NLGN4X: variants seen among roughly 807,000 people sequenced by gnomAD.
The protein encoded by NLGN4X is neuroligin 4 X-linked, also known as neuroligin-4, X-linked.
NLGN4X carries 3 observed loss-of-function variants against 40.3 expected under a neutral mutation model. The observed-to-expected ratio is 0.07, with a 90% confidence interval of 0.03 to 0.19. The LOEUF is 0.19. Ranked by LOEUF, NLGN4X falls within the 10% of genes least tolerant of loss-of-function variation. NLGN4X has a pLI of 1.00. For synonymous variants in NLGN4X, 270 were observed against 306.8 expected, an observed-to-expected ratio of 0.88 and a Z score of 1.25; for missense variants, 382 against 708.3, an observed-to-expected ratio of 0.54 and a Z score of 5.23.
chrX:5,991,655 T>C, intron 3 of NLGN4X: 1 of 388,975 alleles, frequency 2.6e-6, no homozygotes, highest in Non-Finnish European at 4.7e-6. Flanking sequence ...TCAGTGCTAA[T>C]AACAGTAAAC....
At chrX:6,029,612 G>A (rs923956370) in intron 2 of NLGN4X, among the ~76,000 whole-genome samples, 180 bp from the exon 3 acceptor site, 1 of 111,508 alleles carries the variant, frequency 9.0e-6, no homozygotes, top group Non-Finnish European at 1.9e-5. Context: ...ATGCTATTAC[G>A]TTTTCTATTT....
intron 2 of NLGN4X, among the ~76,000 whole-genome samples, chrX:6,090,405 C>T (rs2038607859): frequency 9.0e-6 from 1 of 111,194 alleles, no homozygotes; most frequent in Non-Finnish European, 1.9e-5. Context: ...CCTTAATATT[C>T]ACTTTTGCTC....
In NLGN4X at chrX:6,147,563, G is replaced by A. The variant is rs190214509; in HGVS notation, c.472+3432C>T. ...TAGTATGTGAGACTGGAACTTCTCG[G>A]CTTGACTTTCACAATTTATGTTTAA... On this transcript the variant is annotated intron_variant, in intron 2 of 5. Coordinates refer to ENST00000381095, the MANE Select transcript of NLGN4X (RefSeq NM_181332.3). Among the ~76,000 whole-genome samples the A allele has an allele frequency of 3.6e-5, 4 of 111,003 alleles. No individual in the cohort carries two copies. The East Asian group carries it at 1.1e-3, about 32-fold the overall frequency.
intron 1 of NLGN4X, among the ~76,000 whole-genome samples, chrX:6,161,291 A>G (rs2040387594): frequency 1.3e-5 from 1 of 79,423 alleles, no homozygotes; most frequent in Non-Finnish European, 2.2e-5. Context: ...TATATAGGAT[A>G]TAAAATATAT....
At chrX:6,089,426 C>T (rs1192967843) in intron 2 of NLGN4X, among the ~76,000 whole-genome samples, 8 of 112,564 alleles carry the variant, frequency 7.1e-5, no homozygotes, top group Admixed American at 5.6e-4. Context: ...AAACTAATTC[C>T]ATCCAGCACC....
At chrX:6,026,919 A>C (rs1201316793) in intron 3 of NLGN4X, among the ~76,000 whole-genome samples, 1 of 108,608 alleles carries the variant, frequency 9.2e-6, no homozygotes, top group Non-Finnish European at 1.9e-5. Context: ...AAAACTGATA[A>C]AAAAAAAATC....
chrX:6,044,232 A>G (rs965353386), intron 2 of NLGN4X, among the ~76,000 whole-genome samples: 4 of 111,898 alleles, frequency 3.6e-5, no homozygotes, highest in African/African-American at 1.3e-4. Flanking sequence ...GCAGTGAGCT[A>G]TAATTGTGGC....
intron 2 of NLGN4X, among the ~76,000 whole-genome samples, chrX:6,120,718 A>C (rs2039404622): frequency 1.8e-5 from 2 of 112,151 alleles, no homozygotes; most frequent in Non-Finnish European, 1.9e-5. Context: ...TTCTATGTCC[A>C]GTAGAACTCT....
At chrX:6,000,728 G>T (rs1473437162) in intron 3 of NLGN4X, among the ~76,000 whole-genome samples, 1 of 111,344 alleles carries the variant, frequency 9.0e-6, no homozygotes, top group Non-Finnish European at 1.9e-5. Flanking sequence ...TCAGCATTTT[G>T]GTCAAGGCCA....
intron 3 of NLGN4X, among the ~76,000 whole-genome samples, chrX:6,004,941 T>C (rs758013932): frequency 7.2e-5 from 8 of 111,488 alleles, no homozygotes; most frequent in Non-Finnish European, 1.5e-4. Context: ...AGATGAAGGA[T>C]CAAGATGCAA....
At chrX:6,039,482 T>C (rs1270380623) in intron 2 of NLGN4X, among the ~76,000 whole-genome samples, 1 of 112,127 alleles carries the variant, frequency 8.9e-6, no homozygotes, top group East Asian at 2.8e-4. Context: ...CATTGACTTT[T>C]AGAGTCCTTT....
chrX:5,992,726 G>C (rs1183979875), intron 3 of NLGN4X, among the ~76,000 whole-genome samples: 3 of 111,679 alleles, frequency 2.7e-5, no homozygotes, highest in African/African-American at 9.8e-5. Context: ...TGGTGGAAGA[G>C]GAAGGGGAGC....
intron 1 of NLGN4X, among the ~76,000 whole-genome samples, chrX:6,159,937 A>G (rs1473184622): frequency 9.0e-6 from 1 of 111,626 alleles, no homozygotes; most frequent in Non-Finnish European, 1.9e-5. Flanking sequence ...CCTATTCTTT[A>G]AAAATATTTC....
At chrX:6,110,016 A>G (rs1471881884) in intron 2 of NLGN4X, among the ~76,000 whole-genome samples, 1 of 110,923 alleles carries the variant, frequency 9.0e-6, no homozygotes, top group Non-Finnish European at 1.9e-5. Context: ...CGCTTTCCTG[A>G]CACAGAAAAG....
In NLGN4X at chrX:6,021,002, T is replaced by TTC. The variant is rs869309615; in HGVS notation, c.625+8276_625+8277dup. 4.2e-3 allele frequency among the ~76,000 whole-genome samples: 100 copies of TTC among 24,089 alleles called. 4 individuals carry two copies. The highest frequency in any genetic ancestry group is 7.8e-3 in the East Asian group (3 of 386). 20.9% of individuals were successfully genotyped at this position (24,089 alleles called of 115,157 possible). The stretch of plus-strand genomic sequence containing the variant: ...AATTTTTTCTTTTTCCTTCCTTCTT[T>TTC]TCTCTCTCTCTCTCTCTCTCTCTCT... On this transcript the variant is annotated intron_variant, in intron 3 of 5. Transcript: ENST00000381095.
chrX:5,991,059 AAAC>A (rs776750150), intron 3 of NLGN4X, among the ~76,000 whole-genome samples: 87 of 111,628 alleles, frequency 7.8e-4, no homozygotes, highest in Non-Finnish European at 1.4e-3. Flanking sequence ...CCTATCCCTG[AAAC>A]AACAAGTCTA....
intron 1 of NLGN4X, among the ~76,000 whole-genome samples, chrX:6,210,062 G>A (rs935488634): frequency 9.0e-6 from 1 of 110,568 alleles, no homozygotes; most frequent in African/African-American, 3.3e-5. Flanking sequence ...TTATGTTGTC[G>A]AAGCTCGTCT....
chrX:5,956,207 T>C (rs920320190), intron 3 of NLGN4X, among the ~76,000 whole-genome samples: 2 of 108,284 alleles, frequency 1.8e-5, no homozygotes, highest in African/African-American at 6.7e-5. Flanking sequence ...CACACATATA[T>C]ATAATATACA....
At chrX:5,906,519 T>C (rs955662590) in intron 4 of NLGN4X, among the ~76,000 whole-genome samples, 4 of 110,865 alleles carry the variant, frequency 3.6e-5, no homozygotes, top group African/African-American at 1.3e-4. Flanking sequence ...ATTTTATGTA[T>C]GTATGTATGT....
Sources: gnomAD v4.1 joint callset for allele counts (sites outside exome capture counted in the v4.1 genomes callset) on GRCh38, gnomAD v4.1.1 for gene constraint, MANE v1.5 for transcripts, NCBI Gene and HGNC (gene_info 2026-07-23, HGNC 2026-07-21) for gene names.